The following TENM3 variants were observed in gnomAD, a reference collection of about 807,000 sequenced individuals.
The protein encoded by TENM3 is teneurin-3.
In TENM3, 63 loss-of-function variants were observed where a neutral mutation model predicts 255.1. The ratio of observed to expected loss-of-function variants is 0.25; its 90% confidence interval spans 0.20 to 0.30. TENM3 has a LOEUF of 0.30. Ranked by LOEUF, TENM3 falls within the 10% of genes least tolerant of loss-of-function variation. The pLI, the probability that TENM3 is intolerant of heterozygous loss-of-function variation, is 1.00. For synonymous variants in TENM3, 1,306 were observed against 1,322.3 expected, an observed-to-expected ratio of 0.99 and a Z score of 0.27; for missense variants, 2,929 against 3,461.1, an observed-to-expected ratio of 0.85 and a Z score of 3.86.
At chr4:182,303,841 C>G (rs1331563661) in intron 1 of TENM3, among the ~76,000 whole-genome samples, 1 of 152,094 alleles carries the variant, frequency 6.6e-6, no homozygotes, top group East Asian at 1.9e-4. Context: ...CACCACATGG[C>G]CGTAGGATCC....
the TENM3 span, among the ~76,000 whole-genome samples, chr4:181,485,087 G>C: frequency 6.6e-6 from 1 of 152,086 alleles, no homozygotes. Flanking sequence ...AAGCGTCCTT[G>C]TTTTAACAAT....
At chr4:182,161,650 TATACAC>T (rs1163186918) in intron 1 of TENM3, among the ~76,000 whole-genome samples, 1 of 107,712 alleles carries the variant, frequency 9.3e-6, no homozygotes, top group Non-Finnish European at 1.8e-5. Flanking sequence ...TATATATATA[TATACAC>T]ACACACAAAT....
intron 1 of TENM3, among the ~76,000 whole-genome samples, chr4:182,279,472 A>G (rs1287817123): frequency 6.6e-6 from 1 of 152,140 alleles, no homozygotes; most frequent in Admixed American, 6.5e-5. Flanking sequence ...CCCACATGCA[A>G]GGCAGGGCCC....
chr4:182,188,340 A>G (rs1016955427), intron 1 of TENM3, among the ~76,000 whole-genome samples: 4 of 152,056 alleles, frequency 2.6e-5, no homozygotes, highest in Non-Finnish European at 5.9e-5. Flanking sequence ...CTCTTCTCAA[A>G]TCTCAAGGTT....
chr4:181,819,763 T>G, the TENM3 span, among the ~76,000 whole-genome samples: 2 of 152,188 alleles, frequency 1.3e-5, no homozygotes, highest in Non-Finnish European at 2.9e-5. Flanking sequence ...ACGGCTAATC[T>G]GACAGGAGGC....
chr4:182,540,807 A>C (rs1740808501), intron 3 of TENM3, among the ~76,000 whole-genome samples: 1 of 152,206 alleles, frequency 6.6e-6, no homozygotes, highest in African/African-American at 2.4e-5. Context: ...TGCAAAGGGC[A>C]ATGAAGAGGA....
chr4:182,103,328 G>T, the TENM3 span, among the ~76,000 whole-genome samples: 1 of 152,192 alleles, frequency 6.6e-6, no homozygotes, highest in Non-Finnish European at 1.5e-5. Flanking sequence ...AATCTGGCCA[G>T]AGCAAAGGTA....
chr4:182,249,804 A>T (rs1045929521), intron 1 of TENM3, among the ~76,000 whole-genome samples: 1 of 151,956 alleles, frequency 6.6e-6, no homozygotes, highest in Admixed American at 6.6e-5. Context: ...TTGCTGTGTC[A>T]CCCAGGCTGG....
the TENM3 span, among the ~76,000 whole-genome samples, chr4:181,914,418 C>T: frequency 6.6e-6 from 1 of 152,120 alleles, no homozygotes. Context: ...TTCCATAGAA[C>T]TTTTCAGGGG....
At chr4:182,091,938 T>C in the TENM3 span, among the ~76,000 whole-genome samples, 1 of 152,284 alleles carries the variant, frequency 6.6e-6, no homozygotes, top group South Asian at 2.1e-4. Context: ...GATTTTGTTC[T>C]TTAAAAGAAT....
At chr4:181,518,772 T>C in the TENM3 span, among the ~76,000 whole-genome samples, 1 of 152,184 alleles carries the variant, frequency 6.6e-6, no homozygotes, top group African/African-American at 2.4e-5. Flanking sequence ...AAATCCTTCC[T>C]AGCCACCTAT....
chr4:181,617,226 T>C, the TENM3 span, among the ~76,000 whole-genome samples: 1 of 152,168 alleles, frequency 6.6e-6, no homozygotes, highest in Non-Finnish European at 1.5e-5. Flanking sequence ...GAAAATATTA[T>C]TTGTTAAGAA....
the TENM3 span, among the ~76,000 whole-genome samples, chr4:181,792,183 G>A: frequency 1.3e-5 from 2 of 152,144 alleles, no homozygotes; most frequent in East Asian, 1.9e-4. Context: ...ACAATACAGC[G>A]TGATTTTTCT....
rs1429701592 is a variant in TENM3 at position 182,801,050 on chromosome 4, T to G, written c.*699T>G. ...TATATGAATTACAATTTACTGTACATCAAATCTTAGTCTCAGAGGAGTTAA... is the reference window on the plus strand; with the variant it reads ...TATATGAATTACAATTTACTGTACAGCAAATCTTAGTCTCAGAGGAGTTAA... On this transcript the variant is annotated 3_prime_UTR_variant, in exon 28 of 28. Transcript: ENST00000511685. 2 of 152,666 alleles carry G rather than the reference T, an allele frequency of 1.3e-5. No homozygotes were observed. Among genetic ancestry groups the G allele is most frequent in the Non-Finnish European group, 2.9e-5 (2 of 68,044 alleles). 9.5% of individuals were successfully genotyped at this position (152,666 alleles called of 1,614,324 possible). A position where few individuals can be genotyped will look rare whatever the true frequency, so the allele number is the denominator to read the frequency against.
chr4:181,559,943 T>C, the TENM3 span, among the ~76,000 whole-genome samples: 3 of 152,230 alleles, frequency 2.0e-5, no homozygotes, highest in African/African-American at 7.2e-5. Flanking sequence ...ACTTAAAGAT[T>C]TGGATCTTAA....
At chr4:182,467,611 A>C (rs2151431091) in intron 3 of TENM3, among the ~76,000 whole-genome samples, 1 of 152,294 alleles carries the variant, frequency 6.6e-6, no homozygotes, top group African/African-American at 2.4e-5. Context: ...CTATTGGTTA[A>C]TTAGATATGG....
At chr4:182,721,672 A>G (rs972679931) in intron 13 of TENM3, among the ~76,000 whole-genome samples, 3 of 152,200 alleles carry the variant, frequency 2.0e-5, no homozygotes, top group Non-Finnish European at 4.4e-5. Context: ...GCTACTGCTC[A>G]ATTGCTTTGC....
At chr4:182,213,614 A>G (rs1052515244) in intron 1 of TENM3, among the ~76,000 whole-genome samples, 1 of 152,140 alleles carries the variant, frequency 6.6e-6, no homozygotes, top group African/African-American at 2.4e-5. Context: ...CTACTAAATG[A>G]TACAGTACGA....
At chr4:181,759,456 C>T in the TENM3 span, among the ~76,000 whole-genome samples, 280 of 152,096 alleles carry the variant, frequency 1.8e-3, no homozygotes, top group African/African-American at 6.4e-3. Context: ...GTTGGAGTTA[C>T]TTTATCAATA....
Sources: allele counts gnomAD v4.1 joint callset (sites outside exome capture counted in the v4.1 genomes callset), GRCh38; gene constraint gnomAD v4.1.1; transcripts MANE v1.5; gene names NCBI Gene and HGNC (gene_info 2026-07-23, HGNC 2026-07-21).